Variants in CDH2 observed in about 807,000 individuals in gnomAD.
CDH2 encodes cadherin 2.
In CDH2, 17 loss-of-function variants were observed where a neutral mutation model predicts 92.0. That is an observed-to-expected ratio of 0.18 (90% CI 0.13 to 0.28). The LOEUF (loss-of-function observed/expected upper bound fraction) is 0.28, where lower values mean the gene tolerates loss of function less well. CDH2 is among the 10% of genes least tolerant of loss of function. The probability of loss-of-function intolerance (pLI) is 1.00; values close to 1 mark genes in which losing one functional copy is unlikely to be tolerated. For missense variants in CDH2, 862 were observed against 1,133.1 expected (o/e 0.76, Z 3.44); for synonymous variants, 419 against 415.9 (o/e 1.01, Z -0.09).
At chr18:28,151,107 T>C (rs948655614) in intron 1 of CDH2, among the ~76,000 whole-genome samples, 2 of 152,216 alleles carry the variant, frequency 1.3e-5, no homozygotes, top group Non-Finnish European at 1.5e-5. Context: ...GGTATGAGAC[T>C]GCAGGAGACC....
chr18:28,062,881 G>A (rs2014430504), intron 2 of CDH2, among the ~76,000 whole-genome samples: 1 of 152,120 alleles, frequency 6.6e-6, no homozygotes, highest in Non-Finnish European at 1.5e-5. Flanking sequence ...GCTGAGGCAG[G>A]AGAATTGCTT....
chr18:28,099,918 G>A (rs1403271261), intron 2 of CDH2, among the ~76,000 whole-genome samples: 1 of 152,058 alleles, frequency 6.6e-6, no homozygotes, highest in Non-Finnish European at 1.5e-5. Flanking sequence ...CATCTGTGAA[G>A]TTATACATTT....
At chr18:28,164,389 T>C (rs1332748469) in intron 1 of CDH2, among the ~76,000 whole-genome samples, 1 of 152,152 alleles carries the variant, frequency 6.6e-6, no homozygotes, top group Non-Finnish European at 1.5e-5. Context: ...CCACGTGTGG[T>C]ACATAGTAAT....
intron 2 of CDH2, among the ~76,000 whole-genome samples, chr18:28,043,176 T>C (rs2013982735): frequency 6.6e-6 from 1 of 152,104 alleles, no homozygotes; most frequent in South Asian, 2.1e-4. Context: ...GAGGCCATTA[T>C]TCTAAGTGAG....
At chr18:28,000,105 G>C (rs754003412) in intron 7 of CDH2, among the ~76,000 whole-genome samples, 1 of 151,988 alleles carries the variant, frequency 6.6e-6, no homozygotes, top group African/African-American at 2.4e-5. Flanking sequence ...CTTTATAGCA[G>C]TGTGAGAACA....
chr18:28,059,205 C>T (rs907632206), intron 2 of CDH2, among the ~76,000 whole-genome samples: 1 of 152,178 alleles, frequency 6.6e-6, no homozygotes, highest in Non-Finnish European at 1.5e-5. Flanking sequence ...CAAGGAAATG[C>T]ATGAACATGA....
chr18:27,965,645 T>C (rs762830661), intron 14 of CDH2, among the ~76,000 whole-genome samples: 6 of 152,180 alleles, frequency 3.9e-5, no homozygotes, highest in Non-Finnish European at 8.8e-5. Context: ...TTACGGAATA[T>C]CTCAGAAAAG....
At chr18:28,055,645 G>A (rs2014277822) in intron 2 of CDH2, among the ~76,000 whole-genome samples, 1 of 151,998 alleles carries the variant, frequency 6.6e-6, no homozygotes, top group African/African-American at 2.4e-5. Flanking sequence ...AGCTTTAATT[G>A]GCTTTAAAAA....
intron 6 of CDH2, among the ~76,000 whole-genome samples, chr18:27,941,360 A>G (rs1440069104): frequency 6.6e-6 from 1 of 152,054 alleles, no homozygotes; most frequent in Non-Finnish European, 1.5e-5. Flanking sequence ...TATGATACAT[A>G]TGCCATTTTT....
chr18:28,095,807 C>A (rs79048312), intron 2 of CDH2, among the ~76,000 whole-genome samples: 113 of 102,906 alleles, frequency 1.1e-3, no homozygotes, highest in East Asian at 4.2e-3. Context: ...GCAACTCCAT[C>A]AAAAAAAAAA....
At chr18:27,980,203 G>T (rs2011998048) in intron 14 of CDH2, among the ~76,000 whole-genome samples, 1 of 152,128 alleles carries the variant, frequency 6.6e-6, no homozygotes, top group African/African-American at 2.4e-5. Context: ...TCAACAGGCT[G>T]GATGAATTCA....
At chr18:28,137,573 C>A in intron 2 of CDH2, among the ~76,000 whole-genome samples, 1 of 144,668 alleles carries the variant, frequency 6.9e-6, no homozygotes, top group African/African-American at 2.5e-5. Context: ...GTATTAAAGG[C>A]AAAAAAACAA....
intron 1 of CDH2, among the ~76,000 whole-genome samples, chr18:28,168,061 C>T (rs1057268900): frequency 2.0e-5 from 3 of 152,054 alleles, no homozygotes; most frequent in Non-Finnish European, 2.9e-5. Flanking sequence ...TTATGTTAAG[C>T]GGGAGCGGGG....
Position 28,137,575 on chromosome 18 carries a change from A to AAAAAAC in CDH2, c.172+10092_172+10097dup, listed in dbSNP as rs371188761. On this transcript the variant is annotated intron_variant, in intron 2 of 15. Coordinates refer to ENST00000269141, the MANE Select transcript of CDH2 (RefSeq NM_001792.5). ...TCAAAACATGAAGGTATTAAAGGCA[A>AAAAAAC]AAAAACAAAAACAAAAACAAAAACA... Among the ~76,000 whole-genome samples, 220 of 151,336 alleles carry AAAAAAC rather than the reference A, an allele frequency of 1.5e-3. 1 individual carries two copies. Among genetic ancestry groups the AAAAAAC allele is most frequent in the Middle Eastern group, 3.4e-3 (1 of 294 alleles).
Position 27,992,700 on chromosome 18 carries a change from G to A in CDH2, c.1299C>T (p.Ile433=), listed in dbSNP as rs761353046. 18 of 1,613,896 alleles carry A rather than the reference G, an allele frequency of 1.1e-5. No homozygotes were observed. The South Asian group carries it at 2.0e-4, about 18-fold the overall frequency. ...CGTCGTTGCTGTTTGGGTCGGTCTGGATGGCGAACCGTCCAGTAGGATCTC... is the reference window on the plus strand; with the variant it reads ...CGTCGTTGCTGTTTGGGTCGGTCTGAATGGCGAACCGTCCAGTAGGATCTC... ...SGGDPTGRFA[I]QTDPNSNDGL... Residue 433 remains isoleucine, a synonymous_variant, in exon 9 of 16, where the codon ATC becomes ATT. Transcript: ENST00000269141.
At chr18:27,949,167 G>T (rs978135129), downstream of CDH2, among the ~76,000 whole-genome samples, 6 of 151,974 alleles carry the variant, frequency 3.9e-5, no homozygotes, top group African/African-American at 1.4e-4. Context: ...TGGCTGGATT[G>T]TCTTACATTT....
chr18:27,974,795 G>A (rs1207279197), intron 14 of CDH2, among the ~76,000 whole-genome samples: 2 of 152,146 alleles, frequency 1.3e-5, no homozygotes, highest in South Asian at 2.1e-4. Flanking sequence ...CAAGAAAGGC[G>A]CCTTATATGA....
At chr18:28,115,755 CT>C (rs998973604) in intron 2 of CDH2, among the ~76,000 whole-genome samples, 2 of 151,960 alleles carry the variant, frequency 1.3e-5, no homozygotes, top group Admixed American at 6.6e-5. Context: ...TTTTACGACA[CT>C]TTTTTTTAAG....
chr18:28,115,018 G>A (rs1048141212), intron 2 of CDH2, among the ~76,000 whole-genome samples: 1 of 152,152 alleles, frequency 6.6e-6, no homozygotes, highest in African/African-American at 2.4e-5. Context: ...AAGTGTAACA[G>A]GGGTTCCTAA....
Sources: gnomAD v4.1 joint callset for allele counts (sites outside exome capture counted in the v4.1 genomes callset) on GRCh38, gnomAD v4.1.1 for gene constraint, MANE v1.5 for transcripts, NCBI Gene and HGNC (gene_info 2026-07-23, HGNC 2026-07-21) for gene names.